CSMD1: variants seen among roughly 807,000 people sequenced by gnomAD.
The protein encoded by CSMD1 is CUB and sushi domain-containing protein 1.
In CSMD1, 213 loss-of-function variants were observed where a neutral mutation model predicts 417.5. That is an observed-to-expected ratio of 0.51 (90% CI 0.46 to 0.57). CSMD1 has a LOEUF of 0.57. CSMD1 is among the 20% of genes least tolerant of loss of function. The pLI, the probability that CSMD1 is intolerant of heterozygous loss-of-function variation, is 0.00. For missense variants in CSMD1, 6,923 were observed against 4,529.7 expected (o/e 1.53, Z -15.17); for synonymous variants, 2,862 against 1,736.8 (o/e 1.65, Z -16.11).
chr8:3,825,555 G>T (rs557757246), intron 5 of CSMD1, among the ~76,000 whole-genome samples: 61 of 149,632 alleles, frequency 4.1e-4, no homozygotes, highest in African/African-American at 1.4e-3. Context: ...GGGGTGTGGG[G>T]CTGAGGGTGG....
intron 2 of CSMD1, among the ~76,000 whole-genome samples, chr8:4,525,595 C>T (rs925988087): frequency 9.9e-5 from 15 of 152,140 alleles, no homozygotes; most frequent in African/African-American, 3.4e-4. Context: ...CTGGTTTATA[C>T]ATGAAGTATG....
intron 3 of CSMD1, among the ~76,000 whole-genome samples, chr8:4,228,182 T>C (rs968295984): frequency 6.6e-6 from 1 of 152,202 alleles, no homozygotes; most frequent in Non-Finnish European, 1.5e-5. Flanking sequence ...CCACCCTGCA[T>C]GCAATCCCAC....
At chr8:4,441,503 G>T (rs1348344879) in intron 2 of CSMD1, among the ~76,000 whole-genome samples, 2 of 151,942 alleles carry the variant, frequency 1.3e-5, no homozygotes, top group Admixed American at 6.6e-5. Context: ...TACAGAGAGA[G>T]AATGCATTAT....
intron 3 of CSMD1, among the ~76,000 whole-genome samples, chr8:4,136,604 A>G (rs1199009353): frequency 1.3e-5 from 2 of 152,202 alleles, no homozygotes; most frequent in Admixed American, 6.5e-5. Context: ...CCAGCCAGCA[A>G]GAGAGGTTGA....
chr8:3,474,696 G>A (rs903977136), intron 11 of CSMD1, among the ~76,000 whole-genome samples: 1 of 152,056 alleles, frequency 6.6e-6, no homozygotes, highest in African/African-American at 2.4e-5. Context: ...TTTACTTGAA[G>A]TCACAGTTTC....
intron 2 of CSMD1, among the ~76,000 whole-genome samples, chr8:4,528,488 G>A (rs142461823): frequency 3.9e-5 from 6 of 152,254 alleles, no homozygotes; most frequent in East Asian, 3.9e-4. Context: ...AGACTTAGAG[G>A]TCAGCTGTGT....
intron 3 of CSMD1, among the ~76,000 whole-genome samples, chr8:4,295,750 GTATA>G (rs756556655): frequency 0.11 from 3,712 of 34,162 alleles, 112 homozygotes; most frequent in Non-Finnish European, 0.16. Flanking sequence ...ATGTGTGTGT[GTATA>G]TATATATATA....
chr8:4,647,477 C>T (rs904127293), intron 1 of CSMD1, among the ~76,000 whole-genome samples: 4 of 148,232 alleles, frequency 2.7e-5, no homozygotes, highest in Admixed American at 6.6e-5. Context: ...CGTAGGTACG[C>T]GTGTGCCATG....
At chr8:4,726,602 C>T (rs989976456) in intron 1 of CSMD1, among the ~76,000 whole-genome samples, 1 of 152,162 alleles carries the variant, frequency 6.6e-6, no homozygotes, top group Non-Finnish European at 1.5e-5. Context: ...CTCCCATCAG[C>T]TTCTGCAAAA....
At chr8:3,507,804 C>A (rs892118689) in intron 10 of CSMD1, among the ~76,000 whole-genome samples, 3 of 152,124 alleles carry the variant, frequency 2.0e-5, no homozygotes, top group African/African-American at 7.2e-5. Flanking sequence ...TAAATGTCTT[C>A]TTTTGAGAAA....
At chr8:3,604,591 T>C in intron 8 of CSMD1, among the ~76,000 whole-genome samples, 1 of 151,926 alleles carries the variant, frequency 6.6e-6, no homozygotes, top group East Asian at 1.9e-4. Flanking sequence ...ATCTATAAAG[T>C]ATATAAATGA....
chr8:4,160,249 TAAAGTAACACAAAACATTCTGATTCTTGG>T (rs1797071147), intron 3 of CSMD1, among the ~76,000 whole-genome samples: 16 of 152,128 alleles, frequency 1.1e-4, no homozygotes, highest in Admixed American at 1.0e-3. Context: ...AACTTTATCA[TAAAGTAACACAAAACATTCTGATTCTTGG>T]AAAGTACTGA....
chr8:3,833,041 G>A (rs944897839), intron 5 of CSMD1, among the ~76,000 whole-genome samples: 12 of 151,946 alleles, frequency 7.9e-5, no homozygotes, highest in African/African-American at 2.9e-4. Flanking sequence ...AAGTAGTGAG[G>A]GCTTTCCATT....
Position 3,157,973 on chromosome 8 carries a change from A to G in CSMD1, c.5845-7T>C. The G allele has an allele frequency of 7.1e-6, 11 of 1,546,602 alleles. No individual in the cohort carries two copies. Among genetic ancestry groups the G allele is most frequent in the Non-Finnish European group, 8.8e-6 (10 of 1,142,334 alleles). On this transcript the variant is annotated splice_polypyrimidine_tract_variant and splice_region_variant and intron_variant, in intron 38 of 69. Transcript: ENST00000635120. The stretch of plus-strand genomic sequence containing the variant: ...AGGAAATGTGGGAACGGCCCTGTTT[A>G]AAAGAAAACAAAAGAAAATACATAT...
chr8:3,446,481 G>A (rs745518207), intron 12 of CSMD1, among the ~76,000 whole-genome samples: 1 of 152,174 alleles, frequency 6.6e-6, no homozygotes, highest in South Asian at 2.1e-4. Context: ...GATGATCAGA[G>A]AATTAATTAC....
rs751020323 is a variant in CSMD1, at chr8:3,942,081, G to C, written c.818+55822C>G. ...TGGGCATGCAAGGGATCTAGGTTTC[G>C]AGCTCCTTGTGAGAATCTAATGCCT... On this transcript the variant is annotated intron_variant, in intron 5 of 69. Transcript: ENST00000635120. 2.6e-5 allele frequency among the ~76,000 whole-genome samples: 4 copies of C among 151,990 alleles called. No homozygotes were observed. In the East Asian group the frequency reaches 5.8e-4, roughly 22 times the overall value.
chr8:3,913,062 G>A (rs1443471354), intron 5 of CSMD1, among the ~76,000 whole-genome samples: 6 of 152,114 alleles, frequency 3.9e-5, no homozygotes, highest in Non-Finnish European at 7.3e-5. Flanking sequence ...GGGCAACATG[G>A]CAGCACTAGG....
intron 1 of CSMD1, among the ~76,000 whole-genome samples, chr8:4,737,794 A>G (rs1438451428): frequency 6.6e-6 from 1 of 152,204 alleles, no homozygotes; most frequent in Admixed American, 6.5e-5. Flanking sequence ...AGTTCTTTGG[A>G]CAATGGTAGC....
intron 10 of CSMD1, among the ~76,000 whole-genome samples, chr8:3,527,539 C>A (rs1000601201): frequency 6.6e-6 from 1 of 152,000 alleles, no homozygotes; most frequent in Admixed American, 6.6e-5. Context: ...TCGATTGTGG[C>A]CATGGTCACA....
Sources: allele counts gnomAD v4.1 joint callset (sites outside exome capture counted in the v4.1 genomes callset), GRCh38; gene constraint gnomAD v4.1.1; transcripts MANE v1.5; gene names NCBI Gene and HGNC (gene_info 2026-07-23, HGNC 2026-07-21).